IL33: variants seen among roughly 807,000 people sequenced by gnomAD.
IL33 encodes the protein interleukin-33.
IL33 carries 37 observed loss-of-function variants against 27.3 expected under a neutral mutation model. The observed-to-expected ratio is 1.36, with a 90% CI of 1.04 to 1.78. The LOEUF is 1.78. Among genes scored for constraint, IL33 ranks in the 40% most tolerant of loss-of-function variants. The probability of loss-of-function intolerance (pLI) is 0.00; values close to 1 mark genes in which losing one functional copy is unlikely to be tolerated. For missense variants in IL33, 406 were observed against 311.4 expected, an observed-to-expected ratio of 1.30 and a Z score of -2.29; for synonymous variants, 132 against 102.9, an observed-to-expected ratio of 1.28 and a Z score of -1.71.
At chr9:6,247,256 G>C (rs763554755) in intron 2 of IL33, among the ~76,000 whole-genome samples, 10 of 152,162 alleles carry the variant, frequency 6.6e-5, no homozygotes, top group Admixed American at 1.3e-4. Context: ...GAGACAAGGT[G>C]CAGTAGTCAG....
At chr9:6,245,923 C>T (rs1175972194) in intron 2 of IL33, among the ~76,000 whole-genome samples, 2 of 151,078 alleles carry the variant, frequency 1.3e-5, no homozygotes, top group African/African-American at 4.9e-5. Flanking sequence ...ATTGCCTGGG[C>T]ATGGTGGCGG....
At chr9:6,232,657 C>T (rs1818980855) in intron 1 of IL33, among the ~76,000 whole-genome samples, 1 of 152,132 alleles carries the variant, frequency 6.6e-6, no homozygotes, top group Admixed American at 6.5e-5. Flanking sequence ...TAGAGAAAGC[C>T]TTTCTAACCC....
chr9:6,224,088 A>C (rs1226291341), intron 1 of IL33, among the ~76,000 whole-genome samples: 1 of 152,162 alleles, frequency 6.6e-6, no homozygotes, highest in Non-Finnish European at 1.5e-5. Context: ...TTTAGAGACT[A>C]AAGTCCTTCT....
At chr9:6,228,671 A>G (rs1818770905) in intron 1 of IL33, among the ~76,000 whole-genome samples, 1 of 152,116 alleles carries the variant, frequency 6.6e-6, no homozygotes, top group African/African-American at 2.4e-5. Flanking sequence ...AGCCTGGGCA[A>G]CAAAGCGAGA....
intron 1 of IL33, among the ~76,000 whole-genome samples, chr9:6,224,811 T>C (rs1818558983): frequency 6.6e-6 from 1 of 152,232 alleles, no homozygotes; most frequent in African/African-American, 2.4e-5. Context: ...CTGTTTTCCT[T>C]TGTGGATCTA....
Position 6,240,652 on chromosome 9 carries a change from G to A in IL33, c.-11-1032G>A, listed in dbSNP as rs115704920. 5.2e-3 allele frequency among the ~76,000 whole-genome samples: 795 copies of A among 152,252 alleles called. 6 individuals carry two copies. Among genetic ancestry groups the A allele is most frequent in the African/African-American group, 0.016 (685 of 41,540 alleles). On this transcript the variant is annotated intron_variant, in intron 1 of 7. Coordinates refer to ENST00000682010, the MANE Select transcript of IL33 (RefSeq NM_033439.4). ...TTGCAGGACTGGAAAATGAGTCTAGGTGAGTTAATAAGTAGTGAGTGAATG... is the reference window on the plus strand; with the variant it reads ...TTGCAGGACTGGAAAATGAGTCTAGATGAGTTAATAAGTAGTGAGTGAATG...
At chr9:6,222,249 T>C (rs917275813) in intron 1 of IL33, among the ~76,000 whole-genome samples, 6 of 152,222 alleles carry the variant, frequency 3.9e-5, no homozygotes, top group Non-Finnish European at 8.8e-5. Context: ...ATAATCAAAT[T>C]TAATTTCATC....
intron 2 of IL33, among the ~76,000 whole-genome samples, chr9:6,245,654 G>A (rs190277834): frequency 2.6e-4 from 39 of 151,996 alleles, no homozygotes; most frequent in Admixed American, 2.2e-3. Flanking sequence ...TAGAGAGGAC[G>A]GACTAGATTT....
intron 1 of IL33, among the ~76,000 whole-genome samples, chr9:6,217,120 C>CA (rs1818182559): frequency 6.6e-6 from 1 of 151,924 alleles, no homozygotes. Flanking sequence ...CTCGTGTATG[C>CA]ACTGAGTCTA....
At chr9:6,217,206 A>G (rs921935936) in intron 1 of IL33, among the ~76,000 whole-genome samples, 1 of 152,116 alleles carries the variant, frequency 6.6e-6, no homozygotes, top group African/African-American at 2.4e-5. Flanking sequence ...CTGAAGGTCA[A>G]TCTTAGCTTA....
At chr9:6,224,940 T>C (rs1818565222) in intron 1 of IL33, among the ~76,000 whole-genome samples, 1 of 152,148 alleles carries the variant, frequency 6.6e-6, no homozygotes, top group African/African-American at 2.4e-5. Context: ...CAGGTATATA[T>C]AATACATGCT....
In IL33 at chr9:6,250,531, G is replaced by C. The variant is rs1816289184; in HGVS notation, c.149G>C (p.Gly50Ala). Residue 50 changes from glycine (G) to alanine (A), a missense_variant, in exon 3 of 8, where the codon GGC (glycine) becomes GCC (alanine). Gly to Ala is a moderately conservative substitution (Grantham distance 60, BLOSUM62 0). Transcript: ENST00000682010. ...ATGTACTTTATGAAGCTCCGCTCTG[G>C]CCTTATGATAAAAAAGGAGGCCTGT... ...CPMYFMKLRSGLMIKKEACYF... is the reference protein window; with the variant it reads ...CPMYFMKLRSALMIKKEACYF... 1 of 1,613,860 alleles carries C rather than the reference G, an allele frequency of 6.2e-7. No homozygotes were observed. Among genetic ancestry groups the C allele is most frequent in the African/African-American group, 1.3e-5 (1 of 74,912 alleles).
intron 2 of IL33, among the ~76,000 whole-genome samples, chr9:6,244,209 T>C (rs968511554): frequency 5.3e-5 from 8 of 152,214 alleles, no homozygotes; most frequent in Admixed American, 3.3e-4. Flanking sequence ...TACTTACCTA[T>C]ACCATTTAGA....
At chr9:6,253,652 G>T in intron 6 of IL33, 50 bp downstream of exon 6, 1 of 1,439,520 alleles carries the variant, frequency 6.9e-7, no homozygotes, top group Non-Finnish European at 9.6e-7. Context: ...TAAGTATGGG[G>T]TAAAGATAAA....
At chr9:6,229,627 G>A (rs1818827309) in intron 1 of IL33, among the ~76,000 whole-genome samples, 1 of 152,158 alleles carries the variant, frequency 6.6e-6, no homozygotes, top group African/African-American at 2.4e-5. Flanking sequence ...TTTGGGTAGG[G>A]TCCCCACATC....
chr9:6,242,942 G>C (rs542164869), intron 2 of IL33, among the ~76,000 whole-genome samples: 5 of 152,192 alleles, frequency 3.3e-5, no homozygotes, highest in Non-Finnish European at 4.4e-5. Flanking sequence ...GGTCACATAG[G>C]GGGAGAACAG....
At chr9:6,218,342 G>C (rs754056175) in intron 1 of IL33, among the ~76,000 whole-genome samples, 3 of 151,996 alleles carry the variant, frequency 2.0e-5, no homozygotes, top group Non-Finnish European at 4.4e-5. Context: ...CCCATTTATA[G>C]AGAGAAAAGA....
chr9:6,256,014 T>G lies in IL33; in HGVS notation c.659T>G (p.Leu220Arg). The G allele has an allele frequency of 6.2e-7, 1 of 1,613,766 alleles. No individual in the cohort carries two copies. Among genetic ancestry groups the G allele is most frequent in the South Asian group, 1.1e-5 (1 of 91,060 alleles). ...CTGCCAGACCAGGCCTTCTTTGTCC[T>G]TCATAATATGCACTCCAACTGTGTT... ...KPLPDQAFFV[L>R]HNMHSNCVSF... Residue 220 changes from leucine to arginine, a missense_variant, in exon 8 of 8, where the codon CTT becomes CGT. Transcript: ENST00000682010.
intron 7 of IL33, among the ~76,000 whole-genome samples, chr9:6,255,628 A>G (rs1048229243): frequency 3.3e-5 from 5 of 152,150 alleles, no homozygotes; most frequent in African/African-American, 1.2e-4. Context: ...GTTAGACTAA[A>G]AAAAATGAGG....
Sources: allele counts gnomAD v4.1 joint callset (sites outside exome capture counted in the v4.1 genomes callset), GRCh38; gene constraint gnomAD v4.1.1; transcripts MANE v1.5; gene names NCBI Gene and HGNC (gene_info 2026-07-23, HGNC 2026-07-21).